Variants in MAN1A1 observed in about 807,000 individuals in gnomAD.
MAN1A1 encodes the protein mannosyl-oligosaccharide 1,2-alpha-mannosidase IA.
In MAN1A1, 29 loss-of-function variants were observed where a neutral mutation model predicts 70.8. The ratio of observed to expected loss-of-function variants is 0.41; its 90% confidence interval spans 0.31 to 0.56. The LOEUF (loss-of-function observed/expected upper bound fraction) is 0.56, where lower values mean the gene tolerates loss of function less well. Among genes scored for constraint, MAN1A1 ranks in the 20% least tolerant of loss-of-function variants. MAN1A1 has a pLI of 0.29. For missense variants in MAN1A1, 747 were observed against 841.3 expected (o/e 0.89, Z 1.39); for synonymous variants, 349 against 330.1 (o/e 1.06, Z -0.62).
rs116288266 is a variant in MAN1A1, at chr6:119,237,063, G to A, written c.992+11197C>T. Among the ~76,000 whole-genome samples, 300 of 152,278 alleles carry A rather than the reference G, an allele frequency of 2.0e-3. 2 individuals carry two copies. Among genetic ancestry groups the A allele is most frequent in the African/African-American group, 7.0e-3 (291 of 41,558 alleles). On this transcript the variant is annotated intron_variant, in intron 6 of 12. Coordinates refer to ENST00000368468, the MANE Select transcript of MAN1A1 (RefSeq NM_005907.4). ...AGAAGTGGGGCCTGAAGACATGACT[G>A]AATTGCTACCATCTCATGATAAAAC... is the stretch of plus-strand genomic sequence containing the variant.
intron 5 of MAN1A1, among the ~76,000 whole-genome samples, chr6:119,273,224 G>A (rs1354726818): frequency 1.3e-5 from 2 of 152,112 alleles, no homozygotes. Flanking sequence ...AATATTACAA[G>A]TTCAGTATGG....
intron 6 of MAN1A1, among the ~76,000 whole-genome samples, chr6:119,244,615 C>T (rs904269814): frequency 2.0e-5 from 3 of 152,066 alleles, no homozygotes; most frequent in Non-Finnish European, 4.4e-5. Flanking sequence ...TTTAGGTTCT[C>T]TGCATATATT....
intron 2 of MAN1A1, among the ~76,000 whole-genome samples, chr6:119,329,127 AC>A (rs1229577559): frequency 1.3e-5 from 2 of 151,184 alleles, no homozygotes; most frequent in Non-Finnish European, 2.9e-5. Flanking sequence ...TCAATACTCC[AC>A]CCCCCTGGCC....
chr6:119,268,097 C>G (rs1266481449), intron 5 of MAN1A1, among the ~76,000 whole-genome samples: 1 of 152,136 alleles, frequency 6.6e-6, no homozygotes, highest in African/African-American at 2.4e-5. Flanking sequence ...TGACCATGGT[C>G]CAGATCCATT....
chr6:119,269,241 A>G, intron 5 of MAN1A1: 2 of 268,350 alleles, frequency 7.5e-6, no homozygotes, highest in Non-Finnish European at 1.5e-5. Flanking sequence ...TTCCAATAGC[A>G]GATATTGGCC....
intron 7 of MAN1A1, among the ~76,000 whole-genome samples, chr6:119,203,564 C>T (rs1050157199): frequency 6.6e-6 from 1 of 151,990 alleles, no homozygotes; most frequent in Non-Finnish European, 1.5e-5. Flanking sequence ...CAGGTGGCTA[C>T]TGTATGGTGT....
intron 2 of MAN1A1, among the ~76,000 whole-genome samples, chr6:119,311,538 C>T (rs111259185): frequency 5.3e-5 from 8 of 151,994 alleles, no homozygotes; most frequent in African/African-American, 1.2e-4. Context: ...GGGGTTTGTT[C>T]GAGGGATTTG....
intron 6 of MAN1A1, among the ~76,000 whole-genome samples, chr6:119,246,919 T>C (rs1775182631): frequency 6.6e-6 from 1 of 152,034 alleles, no homozygotes; most frequent in African/African-American, 2.4e-5. Context: ...TCCTGAGGCA[T>C]CACATTCTGC....
intron 5 of MAN1A1, among the ~76,000 whole-genome samples, chr6:119,259,186 T>C (rs182414848): frequency 6.6e-6 from 1 of 152,324 alleles, no homozygotes; most frequent in Admixed American, 6.5e-5. Flanking sequence ...ATGAGACTTC[T>C]CACTGTTGTA....
At chr6:119,327,378 GT>G (rs1186844213) in intron 2 of MAN1A1, 9,125 of 123,414 alleles carry the variant, frequency 0.074, 330 homozygotes, top group Middle Eastern at 0.12. Flanking sequence ...GAAGCATTCC[GT>G]TTTTTTTTTT....
intron 2 of MAN1A1, among the ~76,000 whole-genome samples, chr6:119,311,753 G>A (rs541854764): frequency 1.3e-5 from 2 of 152,250 alleles, no homozygotes; most frequent in South Asian, 4.2e-4. Context: ...ATGTCACTTT[G>A]CAGCATGATG....
intron 6 of MAN1A1, among the ~76,000 whole-genome samples, chr6:119,206,793 C>T (rs752094801): frequency 3.0e-4 from 46 of 152,146 alleles, no homozygotes; most frequent in Non-Finnish European, 4.4e-4. Flanking sequence ...CACTGACTAA[C>T]GTCAATAAGC....
At chr6:119,195,652 C>T (rs977285659) in intron 8 of MAN1A1, among the ~76,000 whole-genome samples, 3 of 152,158 alleles carry the variant, frequency 2.0e-5, no homozygotes, top group Admixed American at 2.0e-4. Flanking sequence ...CAGTCCACCC[C>T]AGCCCCTGGA....
chr6:119,270,471 T>C (rs922334295), intron 5 of MAN1A1, among the ~76,000 whole-genome samples: 2 of 152,196 alleles, frequency 1.3e-5, no homozygotes. Flanking sequence ...TAGAACATTA[T>C]CATCATCTCA....
At chr6:119,203,196 C>T (rs1335721961) in intron 7 of MAN1A1, among the ~76,000 whole-genome samples, 1 of 152,090 alleles carries the variant, frequency 6.6e-6, no homozygotes, top group Non-Finnish European at 1.5e-5. Flanking sequence ...TTATGGTAAC[C>T]CGAGCTGATT....
intron 2 of MAN1A1, among the ~76,000 whole-genome samples, chr6:119,342,424 C>T (rs1042685382): frequency 6.6e-6 from 1 of 152,156 alleles, no homozygotes; most frequent in Non-Finnish European, 1.5e-5. Context: ...CACTTCATGT[C>T]TGATACCATT....
chr6:119,331,403 C>A (rs1346675546), intron 2 of MAN1A1, among the ~76,000 whole-genome samples: 1 of 151,562 alleles, frequency 6.6e-6, no homozygotes, highest in Non-Finnish European at 1.5e-5. Context: ...CATAGTTGCC[C>A]CAAGATGAGG....
At chr6:119,207,622 G>C (rs975450034) in intron 6 of MAN1A1, among the ~76,000 whole-genome samples, 49 of 152,218 alleles carry the variant, frequency 3.2e-4, no homozygotes, top group African/African-American at 1.2e-3. Context: ...GTCACTCACA[G>C]ATTGAGGGAG....
intron 5 of MAN1A1, among the ~76,000 whole-genome samples, chr6:119,288,642 T>C (rs1275236114): frequency 6.6e-6 from 1 of 151,882 alleles, no homozygotes; most frequent in Non-Finnish European, 1.5e-5. Flanking sequence ...AATCCAGTAT[T>C]AATCACTTCT....
Sources: gnomAD v4.1 joint callset for allele counts (sites outside exome capture counted in the v4.1 genomes callset) on GRCh38, gnomAD v4.1.1 for gene constraint, MANE v1.5 for transcripts, NCBI Gene and HGNC (gene_info 2026-07-23, HGNC 2026-07-21) for gene names.